Variants in EFNB2 observed in about 807,000 individuals in gnomAD.
The protein encoded by EFNB2 is ephrin B2.
In EFNB2, 5 loss-of-function variants were observed where a neutral mutation model predicts 32.1. The ratio of observed to expected loss-of-function variants is 0.16; its 90% CI spans 0.08 to 0.33. The LOEUF is 0.33. Ranked by LOEUF, EFNB2 falls within the 10% of genes least tolerant of loss-of-function variation. The probability of loss-of-function intolerance (pLI) is 1.00; values close to 1 mark genes in which losing one functional copy is unlikely to be tolerated. For missense variants in EFNB2, 263 were observed against 422.6 expected (o/e 0.62, Z 3.31); for synonymous variants, 168 against 166.5 (o/e 1.01, Z -0.07).
intron 1 of EFNB2, among the ~76,000 whole-genome samples, chr13:106,524,598 C>T (rs1226809575): frequency 6.6e-6 from 1 of 152,204 alleles, no homozygotes; most frequent in Non-Finnish European, 1.5e-5. Context: ...CAACGTCCAC[C>T]AGTTAAGCAG....
rs764018350 is a variant in EFNB2, at chr13:106,492,598, G to A, written c.*442C>T. 6 of 169,510 alleles carry A rather than the reference G, an allele frequency of 3.5e-5. No homozygotes were observed. The highest frequency in any genetic ancestry group is 6.5e-5 in the Non-Finnish European group (5 of 77,114). 10.5% of individuals were successfully genotyped at this position (169,510 alleles called of 1,614,324 possible). ...GCACACCTTAACTAGCCCGAGGTCC[G>A]TGTGACAAGTCCGGTATGCACTGCG... is the stretch of plus-strand genomic sequence containing the variant. On this transcript the variant is annotated 3_prime_UTR_variant, in exon 5 of 5. Coordinates refer to ENST00000646441, the MANE Select transcript of EFNB2 (RefSeq NM_004093.4). The surrounding 1 kb of genome is among the most constrained non-coding windows in gnomAD (Gnocchi z 5.1).
chr13:106,526,882 C>G (rs146180080), intron 1 of EFNB2, among the ~76,000 whole-genome samples: 21 of 152,308 alleles, frequency 1.4e-4, no homozygotes, highest in African/African-American at 4.6e-4. Flanking sequence ...ACACTTCTGG[C>G]TCTGAAGGTC....
At chr13:106,495,151 C>T (rs1878546386) in intron 3 of EFNB2, among the ~76,000 whole-genome samples, 157 bp from the exon 4 acceptor site, 1 of 152,180 alleles carries the variant, frequency 6.6e-6, no homozygotes, top group Non-Finnish European at 1.5e-5. Flanking sequence ...TCTTTTAAAA[C>T]AAAATGGTTA....
intron 1 of EFNB2, among the ~76,000 whole-genome samples, chr13:106,522,899 T>G (rs550461688): frequency 9.9e-5 from 15 of 152,188 alleles, no homozygotes; most frequent in Non-Finnish European, 1.5e-5. Flanking sequence ...AATAGGTGGC[T>G]GTGTAATTAA....
Position 106,518,964 on chromosome 13 carries a change from A to C in EFNB2, c.123-6152T>G, listed in dbSNP as rs909164924. 3 of 152,228 alleles carry C rather than the reference A, an allele frequency of 2.0e-5. No individual in the cohort carries two copies. The highest frequency in any genetic ancestry group is 7.2e-5 in the African/African-American group (3 of 41,460). 9.4% of individuals were successfully genotyped at this position (152,228 alleles called of 1,614,324 possible). ...GAAAATACATGCGAAATGTGTGACA[A>C]TATACCTGGTGGCTCTCCTGAGAGA... On this transcript the variant is annotated intron_variant, in intron 1 of 4. Coordinates refer to ENST00000646441, the MANE Select transcript of EFNB2 (RefSeq NM_004093.4). This position sits in a 1 kb window ranked among gnomAD's most constrained non-coding sequence, Gnocchi z 4.1.
At chr13:106,524,439 T>A (rs908860216) in intron 1 of EFNB2, among the ~76,000 whole-genome samples, 1 of 152,194 alleles carries the variant, frequency 6.6e-6, no homozygotes, top group African/African-American at 2.4e-5. Context: ...AATTAACCAA[T>A]TTGGCCACAG....
At chr13:106,500,883 C>A (rs188216071) in intron 2 of EFNB2, among the ~76,000 whole-genome samples, 15 of 152,148 alleles carry the variant, frequency 9.9e-5, no homozygotes, top group Admixed American at 7.2e-4. Context: ...ACATGGAAAG[C>A]AAAGCCGTGA....
intron 2 of EFNB2, among the ~76,000 whole-genome samples, chr13:106,510,944 AGCCGAGATCACGCCAC>A (rs1340854232): frequency 6.6e-6 from 1 of 152,162 alleles, no homozygotes; most frequent in East Asian, 1.9e-4. Flanking sequence ...GGTTGCAGTG[AGCCGAGATCACGCCAC>A]TGCACTCCAG....
chr13:106,512,206 T>C (rs901247316), intron 2 of EFNB2, among the ~76,000 whole-genome samples: 26 of 152,032 alleles, frequency 1.7e-4, no homozygotes, highest in Admixed American at 4.6e-4. Flanking sequence ...GATTTACCTA[T>C]CAAAATCCAC....
chr13:106,515,941 T>C (rs569092454), intron 1 of EFNB2, among the ~76,000 whole-genome samples: 1 of 152,266 alleles, frequency 6.6e-6, no homozygotes. Context: ...CACTGATCAT[T>C]AGGAATTTAT....
intron 1 of EFNB2, among the ~76,000 whole-genome samples, chr13:106,523,657 C>G (rs1879609030): frequency 6.6e-6 from 1 of 152,204 alleles, no homozygotes. Context: ...CCAATATTCA[C>G]CGCCTGGCTT....
At chr13:106,500,734 A>T (rs1878750287) in intron 2 of EFNB2, among the ~76,000 whole-genome samples, 1 of 152,224 alleles carries the variant, frequency 6.6e-6, no homozygotes, top group South Asian at 2.1e-4. Flanking sequence ...ATGTCCTCAC[A>T]TGCTAGCCTT....
rs773088976 is a variant in EFNB2 at position 106,534,902 on chromosome 13, T to A, written c.63A>T (p.Arg21Ser). The change falls in exon 1 of 5, where the codon AGA becomes AGT. Residue 21 changes from arginine to serine, a missense_variant. Physicochemically the swap from Arg to Ser is moderately radical, Grantham distance 110. Coordinates refer to ENST00000646441, the MANE Select transcript of EFNB2 (RefSeq NM_004093.4). ...AAACTATCGATTTGGAAATCGCAGT[T>A]CTGCATAAAACCATCAAAACACCCC... is the stretch of plus-strand genomic sequence containing the variant. ...YCWGVLMVLC[R>S]TAISKSIVLE... The A allele has an allele frequency of 6.2e-7, 1 of 1,613,668 alleles. No individual in the cohort carries two copies. The highest frequency in any genetic ancestry group is 2.2e-5 in the East Asian group (1 of 44,820).
Position 106,493,487 on chromosome 13 carries a change from A to G in EFNB2, c.614-59T>C, listed in dbSNP as rs114805535. The stretch of plus-strand genomic sequence containing the variant: ...GTTACTGCTGTCCCAGTGCAGACGG[A>G]CTGCTTTTATGACCCTTAAAAATGT... On this transcript the variant is annotated intron_variant, in intron 4 of 4. Coordinates refer to ENST00000646441, the MANE Select transcript of EFNB2 (RefSeq NM_004093.4). This position sits in a 1 kb window ranked among gnomAD's most constrained non-coding sequence, Gnocchi z 6.1. 3.4e-3 allele frequency: 5,181 copies of G among 1,540,776 alleles called. 143 individuals carry two copies. In the African/African-American group the frequency reaches 0.062, roughly 18 times the overall value.
chr13:106,515,052 T>C (rs1879267804), intron 1 of EFNB2, among the ~76,000 whole-genome samples: 1 of 152,160 alleles, frequency 6.6e-6, no homozygotes, highest in African/African-American at 2.4e-5. Flanking sequence ...ATTTTTTTTT[T>C]CCTGCTTAAC....
At chr13:106,514,781 A>T (rs1879260221) in intron 1 of EFNB2, among the ~76,000 whole-genome samples, 1 of 152,124 alleles carries the variant, frequency 6.6e-6, no homozygotes, top group Non-Finnish European at 1.5e-5. Context: ...AGGGTTAGCT[A>T]CTATTAGGGG....
rs759163771 is a variant in EFNB2, at chr13:106,495,003, A to G, written c.500-9T>C. 2 of 1,606,926 alleles carry G rather than the reference A, an allele frequency of 1.2e-6. No homozygotes were observed. The highest frequency in any genetic ancestry group is 1.7e-6 in the Non-Finnish European group (2 of 1,173,448). ...TCCAGCAGAACTTGCATCTATATGA[A>G]AAACAAATGATTAATTACGGCACAG... is the stretch of plus-strand genomic sequence containing the variant. On this transcript the variant is annotated splice_polypyrimidine_tract_variant and intron_variant, in intron 3 of 4. Transcript: ENST00000646441.
chr13:106,520,481 T>C (rs1472536930), intron 1 of EFNB2: 1 of 152,220 alleles, frequency 6.6e-6, no homozygotes, highest in African/African-American at 2.4e-5. Flanking sequence ...TAGGAGAGCA[T>C]TAACACCAAA....
At position 106,507,623 on chromosome 13, in the gene EFNB2, T is replaced by TA. The variant is rs140580991; in HGVS notation, c.406+4905dup. Among the ~76,000 whole-genome samples, 86 of 149,554 alleles carry TA rather than the reference T, an allele frequency of 5.8e-4. No homozygotes were observed. In the South Asian group the frequency reaches 6.6e-3, roughly 12 times the overall value. On this transcript the variant is annotated intron_variant, in intron 2 of 4. Transcript: ENST00000646441. Reference sequence around the variant, plus strand: ...CTTTCCAATTTTACATACTCTTTATTAAAAAAAAAATAAAAAATAAAAAGC... The same window carrying TA: ...CTTTCCAATTTTACATACTCTTTATTAAAAAAAAAAATAAAAAATAAAAAGC...
Sources: gnomAD v4.1 joint callset for allele counts (sites outside exome capture counted in the v4.1 genomes callset) on GRCh38, gnomAD v4.1.1 for gene constraint, Gnocchi (gnomAD v3.1) non-coding constraint, MANE v1.5 for transcripts, NCBI Gene and HGNC (gene_info 2026-07-23, HGNC 2026-07-21) for gene names.